The following SMPDL3A variants were observed in gnomAD, a reference collection of about 807,000 sequenced individuals.
SMPDL3A encodes the protein cyclic GMP-AMP phosphodiesterase SMPDL3A.
Under a neutral mutation model 38.5 loss-of-function variants are expected in SMPDL3A, and 39 were observed. The ratio of observed to expected loss-of-function variants is 1.01; its 90% CI spans 0.78 to 1.32. The LOEUF (loss-of-function observed/expected upper bound fraction) is 1.32. SMPDL3A is among the 40% of genes most tolerant of loss of function. SMPDL3A has a pLI of 0.00. For missense variants in SMPDL3A, 502 were observed against 536.2 expected, an observed-to-expected ratio of 0.94 and a Z score of 0.63; for synonymous variants, 180 against 194.3, an observed-to-expected ratio of 0.93 and a Z score of 0.61.
At chr6:122,808,644 C>T (rs1183985735) in intron 7 of SMPDL3A, among the ~76,000 whole-genome samples, 40 of 48,236 alleles carry the variant, frequency 8.3e-4, no homozygotes, top group South Asian at 3.3e-3. Flanking sequence ...CCTTCCTTCC[C>T]CCCCTCCTCC....
chr6:122,800,281 C>A (rs1781385463), intron 3 of SMPDL3A, among the ~76,000 whole-genome samples: 1 of 152,226 alleles, frequency 6.6e-6, no homozygotes, highest in Middle Eastern at 3.4e-3. Context: ...TTTAAAAAAT[C>A]AAAATATTTT....
chr6:122,807,391 C>T (rs35042139), intron 7 of SMPDL3A, among the ~76,000 whole-genome samples: 22,652 of 151,946 alleles, frequency 0.15, 1,735 homozygotes, highest in South Asian at 0.23. Flanking sequence ...CCCAGCTACT[C>T]GGGAGGCTGA....
At chr6:122,797,236 C>G (rs975697721) in intron 3 of SMPDL3A, 18 of 328,964 alleles carry the variant, frequency 5.5e-5, no homozygotes, top group Admixed American at 1.4e-4. Context: ...TGTTTTCCTT[C>G]ATAATCTTCT....
Position 122,804,948 on chromosome 6 carries a change from T to C in SMPDL3A, c.778T>C (p.Ser260Pro). The stretch of plus-strand genomic sequence containing the variant: ...ACATGTTCCAGTGGGGTATCTGCCA[T>C]CTTCACAGAACATCACAGCAATGAG... The part of the protein sequence containing the change: ...IAHVPVGYLP[S>P]SQNITAMREY... Residue 260 changes from serine to proline, a missense_variant, in exon 6 of 8, where the codon TCT (serine) becomes CCT (proline). Physicochemically the swap from Ser to Pro is moderately conservative, Grantham distance 74. Coordinates refer to ENST00000368440, the MANE Select transcript of SMPDL3A (RefSeq NM_006714.5). 6.2e-7 allele frequency: 1 copy of C among 1,612,638 alleles called. No homozygotes were observed. Among genetic ancestry groups the C allele is most frequent in the Non-Finnish European group, 8.5e-7 (1 of 1,179,598 alleles).
At chr6:122,792,400 T>C (rs541457071) in intron 1 of SMPDL3A, among the ~76,000 whole-genome samples, 1 of 152,308 alleles carries the variant, frequency 6.6e-6, no homozygotes, top group South Asian at 2.1e-4. Context: ...TGCCTAAATG[T>C]CATCATATAT....
chr6:122,801,509 AG>A, intron 4 of SMPDL3A, 103 bp downstream of exon 4: 3 of 802,650 alleles, frequency 3.7e-6, no homozygotes, highest in Non-Finnish European at 6.4e-6. Context: ...TCTGGAGCAC[AG>A]CCCCCAGTTT....
chr6:122,794,466 G>A (rs764247611), intron 1 of SMPDL3A, among the ~76,000 whole-genome samples: 1 of 151,984 alleles, frequency 6.6e-6, no homozygotes, highest in Admixed American at 6.6e-5. Context: ...GTGTGGTGGC[G>A]TGCACCTGTA....
In SMPDL3A at chr6:122,789,298, G is replaced by GT. The variant is rs1562344625; in HGVS notation, c.-48dup. ...CTCACCCTCAGGCCTGACGGTCCGA[G>GT]TGGAGCTGCGGGACAGCCCGAACCT... On this transcript the variant is annotated 5_prime_UTR_variant, in exon 1 of 8. Coordinates refer to ENST00000368440, the MANE Select transcript of SMPDL3A (RefSeq NM_006714.5). 7.4e-7 allele frequency: 1 copy of GT among 1,355,144 alleles called. No homozygotes were observed. Among genetic ancestry groups the GT allele is most frequent in the South Asian group, 1.3e-5 (1 of 78,208 alleles). The allele number at this position is 1,355,144 out of a possible 1,614,324, so 83.9% of individuals were successfully genotyped here. A position where few individuals can be genotyped will look rare whatever the true frequency, so the allele number is the denominator to read the frequency against.
intron 2 of SMPDL3A, 100 bp from the exon 3 acceptor site, chr6:122,796,724 A>G: frequency 1.1e-6 from 1 of 884,048 alleles, no homozygotes; most frequent in Non-Finnish European, 1.7e-6. Flanking sequence ...CTGTTTTAAA[A>G]TGGAAGTCTG....
intron 1 of SMPDL3A, 99 bp from the exon 2 acceptor site, chr6:122,795,578 C>A: frequency 1.2e-6 from 1 of 842,668 alleles, no homozygotes; most frequent in Non-Finnish European, 1.9e-6. Flanking sequence ...TCCTCCATCA[C>A]AGGGAGGAAC....
In SMPDL3A at chr6:122,795,630, CAA is replaced by C. The variant is rs781777784; in HGVS notation, c.113-44_113-43del. The C allele has an allele frequency of 3.5e-6, 5 of 1,421,654 alleles. No homozygotes were observed. In the South Asian group the frequency reaches 6.0e-5, roughly 17 times the overall value. The allele number at this position is 1,421,654 out of a possible 1,614,324, so 88.1% of individuals were successfully genotyped here. A position where few individuals can be genotyped will look rare whatever the true frequency, so the allele number is the denominator to read the frequency against. The stretch of plus-strand genomic sequence containing the variant: ...AATATAAATATTTTTATGAGAATTC[CAA>C]AAGAGAACAAGTAGATTTATCTGCA... On this transcript the variant is annotated intron_variant, in intron 1 of 7. Coordinates refer to ENST00000368440, the MANE Select transcript of SMPDL3A (RefSeq NM_006714.5).
Position 122,796,881 on chromosome 6 carries a change from G to A in SMPDL3A, c.384G>A (p.Val128=). The change falls in exon 3 of 8, where the codon GTG becomes GTA. Residue 128 remains valine, a synonymous_variant. Coordinates refer to ENST00000368440, the MANE Select transcript of SMPDL3A (RefSeq NM_006714.5). The part of the protein sequence containing the change: ...PELSTDTVIN[V]ITNMTTTIQS... ...TCTCAACAGACACTGTTATAAATGTGATCACTAATATGACAACCACCATCC... is the reference window on the plus strand; with the variant it reads ...TCTCAACAGACACTGTTATAAATGTAATCACTAATATGACAACCACCATCC... 6.2e-7 allele frequency: 1 copy of A among 1,612,986 alleles called. No homozygotes were observed. Among genetic ancestry groups the A allele is most frequent in the Non-Finnish European group, 8.5e-7 (1 of 1,179,042 alleles).
Position 122,796,911 on chromosome 6 carries a change from T to G in SMPDL3A, c.414T>G (p.Ser138Arg). The G allele has an allele frequency of 1.9e-6, 3 of 1,613,320 alleles. No homozygotes were observed. The highest frequency in any genetic ancestry group is 2.5e-6 in the Non-Finnish European group (3 of 1,179,436). Residue 138 changes from serine (S) to arginine (R), a missense_variant, in exon 3 of 8, where the codon AGT becomes AGG. Ser to Arg is a moderately radical substitution (Grantham distance 110, BLOSUM62 -1). Transcript: ENST00000368440. ...VITNMTTTIQ[S>R]LFPNLQVFPA... ...CTAATATGACAACCACCATCCAGAG[T>G]CTCTTTCCAAATCTCCAGGTTTTCC...
At chr6:122,798,511 G>A (rs1040234961) in intron 3 of SMPDL3A, among the ~76,000 whole-genome samples, 11 of 152,122 alleles carry the variant, frequency 7.2e-5, no homozygotes, top group African/African-American at 2.2e-4. Context: ...TGGCCAACTC[G>A]GGTGATTCAC....
chr6:122,796,421 C>T (rs546738395), intron 2 of SMPDL3A, among the ~76,000 whole-genome samples: 1 of 152,084 alleles, frequency 6.6e-6, no homozygotes, highest in Non-Finnish European at 1.5e-5. Flanking sequence ...TTATTATTCC[C>T]ATTTTACAGA....
At position 122,805,082 on chromosome 6, in the gene SMPDL3A, T is replaced by C. The variant is rs1211863126; in HGVS notation, c.912T>C (p.Asp304=). ...GAGACAGCATTATGGTTCTTTCAGA[T>C]AAAAAAGGTAATGTAATGCTGTGTT... The part of the protein sequence containing the change: ...THRDSIMVLS[D]KKGSPVNSLF... Residue 304 remains aspartate, a synonymous_variant, in exon 6 of 8, where the codon GAT becomes GAC. Coordinates refer to ENST00000368440, the MANE Select transcript of SMPDL3A (RefSeq NM_006714.5). 9.4e-6 allele frequency: 15 copies of C among 1,600,188 alleles called. No homozygotes were observed. Among genetic ancestry groups the C allele is most frequent in the Non-Finnish European group, 1.3e-5 (15 of 1,175,098 alleles).
At chr6:122,805,154 G>A in intron 6 of SMPDL3A, 65 bp downstream of exon 6, 2 of 1,329,126 alleles carry the variant, frequency 1.5e-6, no homozygotes, top group Non-Finnish European at 2.0e-6. Context: ...TGAATATCCA[G>A]TAAATTTGCT....
intron 7 of SMPDL3A, among the ~76,000 whole-genome samples, chr6:122,808,503 C>T (rs778794605): frequency 1.3e-5 from 2 of 152,110 alleles, no homozygotes; most frequent in African/African-American, 2.4e-5. Context: ...TTTTGTTCAC[C>T]TCTCTTTATA....
At chr6:122,808,601 C>CCCTTCCTT (rs1446631711) in intron 7 of SMPDL3A, among the ~76,000 whole-genome samples, 13 of 53,114 alleles carry the variant, frequency 2.4e-4, no homozygotes, top group East Asian at 6.6e-4. Context: ...CTTCCTCCCT[C>CCCTTCCTT]CCTCCCTCCC....
Sources: allele counts gnomAD v4.1 joint callset (sites outside exome capture counted in the v4.1 genomes callset), GRCh38; gene constraint gnomAD v4.1.1; transcripts MANE v1.5; gene names NCBI Gene and HGNC (gene_info 2026-07-23, HGNC 2026-07-21).